Variants in NPAS2 observed in about 807,000 individuals in gnomAD.
NPAS2 encodes the protein neuronal PAS domain-containing protein 2.
NPAS2 carries 23 observed loss-of-function variants against 107.5 expected under a neutral mutation model. The ratio of observed to expected loss-of-function variants is 0.21; its 90% CI spans 0.15 to 0.30. The LOEUF (loss-of-function observed/expected upper bound fraction) is 0.30, where lower values mean the gene tolerates loss of function less well. Among genes scored for constraint, NPAS2 ranks in the 10% least tolerant of loss-of-function variants. The pLI is 1.00. For synonymous variants in NPAS2, 403 were observed against 417.5 expected, an observed-to-expected ratio of 0.97 and a Z score of 0.42; for missense variants, 756 against 1,043.3, an observed-to-expected ratio of 0.72 and a Z score of 3.79.
intron 1 of NPAS2, among the ~76,000 whole-genome samples, chr2:100,897,848 T>A (rs57077389): frequency 0.031 from 4,668 of 152,288 alleles, 147 homozygotes; most frequent in African/African-American, 0.074. Flanking sequence ...TCACAGTGGG[T>A]TCCCCCTTGC....
intron 1 of NPAS2, among the ~76,000 whole-genome samples, chr2:100,854,939 C>G (rs929405939): frequency 6.6e-6 from 1 of 152,142 alleles, no homozygotes; most frequent in Non-Finnish European, 1.5e-5. Context: ...AAAGTGCATA[C>G]TGGATTTAAA....
chr2:100,864,280 GT>G (rs1679117748), intron 1 of NPAS2, among the ~76,000 whole-genome samples: 1 of 152,192 alleles, frequency 6.6e-6, no homozygotes, highest in Non-Finnish European at 1.5e-5. Flanking sequence ...TATTGTTTTA[GT>G]TGTTTACCAA....
chr2:100,944,193 T>A (rs2105017838), intron 5 of NPAS2, among the ~76,000 whole-genome samples: 1 of 152,282 alleles, frequency 6.6e-6, no homozygotes, highest in African/African-American at 2.4e-5. Context: ...TCTTAAGCCG[T>A]TCTTTTCTCA....
intron 2 of NPAS2, among the ~76,000 whole-genome samples, chr2:100,911,517 C>T (rs1480534481): frequency 6.6e-6 from 1 of 152,172 alleles, no homozygotes; most frequent in Non-Finnish European, 1.5e-5. Flanking sequence ...CTCCGCTTCC[C>T]AGGTTCAAGC....
chr2:100,842,081 G>GTGCGCGCGCGCACACACACACACACA (rs1553441796), intron 1 of NPAS2, among the ~76,000 whole-genome samples: 2 of 148,798 alleles, frequency 1.3e-5, no homozygotes, highest in African/African-American at 4.9e-5. Flanking sequence ...GCATGTACGC[G>GTGCGCGCGCGCACACACACACACACA]CACACACACA....
At chr2:100,845,067 C>T (rs1677688931) in intron 1 of NPAS2, among the ~76,000 whole-genome samples, 1 of 152,240 alleles carries the variant, frequency 6.6e-6, no homozygotes, top group East Asian at 1.9e-4. Flanking sequence ...CAAGCATGCC[C>T]TGATTGGAGG....
At chr2:100,977,939 G>A (rs1677131720) in intron 15 of NPAS2, 140 bp downstream of exon 15, 4 of 696,874 alleles carry the variant, frequency 5.7e-6, no homozygotes, top group Non-Finnish European at 9.9e-6. Flanking sequence ...TGTGGCCTGT[G>A]TCGAGCCATG....
rs116740843 is a variant in NPAS2 at position 100,835,675 on chromosome 2, C to T, written c.-23+15261C>T. 3.0e-3 allele frequency among the ~76,000 whole-genome samples: 451 copies of T among 152,290 alleles called. 4 individuals are homozygous for T. The highest frequency in any genetic ancestry group is 0.01 in the African/African-American group (427 of 41,568). ...TCTCTCCTCATTTTGGAGTCAGGTACATCTTTCTTCAGCTGAGCTTAACCT... is the reference window on the plus strand; with the variant it reads ...TCTCTCCTCATTTTGGAGTCAGGTATATCTTTCTTCAGCTGAGCTTAACCT... On this transcript the variant is annotated intron_variant, in intron 1 of 20. Coordinates refer to ENST00000335681, the MANE Select transcript of NPAS2 (RefSeq NM_002518.4).
chr2:100,965,014 T>C lies in NPAS2; in HGVS notation c.800+71T>C. ...TTGTTTGCGTGAGCCAGGCTCTCCT[T>C]GGGAGAGAAGAGTCGGCCCTGGTCC... is the stretch of plus-strand genomic sequence containing the variant. On this transcript the variant is annotated intron_variant, in intron 9 of 20. Transcript: ENST00000335681. The surrounding 1 kb of genome is among the most constrained non-coding windows in gnomAD (Gnocchi z 4.3). 2 of 1,038,682 alleles carry C rather than the reference T, an allele frequency of 1.9e-6. No individual in the cohort carries two copies. The highest frequency in any genetic ancestry group is 1.5e-5 in the South Asian group (1 of 65,470). The allele number at this position is 1,038,682 out of a possible 1,614,324, so 64.3% of individuals were successfully genotyped here. A position where few individuals can be genotyped will look rare whatever the true frequency, so the allele number is the denominator to read the frequency against.
At chr2:100,953,843 G>C (rs542118246) in intron 7 of NPAS2, among the ~76,000 whole-genome samples, 1 of 152,306 alleles carries the variant, frequency 6.6e-6, no homozygotes, top group South Asian at 2.1e-4. Flanking sequence ...TGCCTACAAT[G>C]CCTGTGCATG....
chr2:100,897,664 C>G (rs959586276), intron 1 of NPAS2, among the ~76,000 whole-genome samples: 4 of 152,298 alleles, frequency 2.6e-5, no homozygotes, highest in Admixed American at 6.5e-5. Flanking sequence ...CCTAAAACAT[C>G]AGAACAAGAC....
At chr2:100,993,074 T>A (rs955125135) in intron 19 of NPAS2, among the ~76,000 whole-genome samples, 3 of 151,806 alleles carry the variant, frequency 2.0e-5, no homozygotes, top group Non-Finnish European at 2.9e-5. Flanking sequence ...GGACTACAGG[T>A]GCCCAACATG....
At chr2:100,852,222 C>G (rs1035378453) in intron 1 of NPAS2, among the ~76,000 whole-genome samples, 1 of 151,834 alleles carries the variant, frequency 6.6e-6, no homozygotes, top group African/African-American at 2.4e-5. Flanking sequence ...CGGTGAAACC[C>G]CGTCTCTCCT....
intron 1 of NPAS2, among the ~76,000 whole-genome samples, chr2:100,884,540 T>C (rs1301183016): frequency 6.6e-6 from 1 of 152,182 alleles, no homozygotes; most frequent in Non-Finnish European, 1.5e-5. Context: ...ACATACATGC[T>C]CTCGCACACA....
intron 1 of NPAS2, among the ~76,000 whole-genome samples, chr2:100,893,942 T>C (rs1267192259): frequency 6.6e-6 from 1 of 152,192 alleles, no homozygotes; most frequent in African/African-American, 2.4e-5. Flanking sequence ...TTTCCGTGCG[T>C]GCTGCATGAG....
chr2:100,937,535 C>A (rs1015902806), intron 4 of NPAS2, among the ~76,000 whole-genome samples: 1 of 152,152 alleles, frequency 6.6e-6, no homozygotes, highest in South Asian at 2.1e-4. Flanking sequence ...TTTCACTGAT[C>A]CTGTAGTGCT....
In NPAS2 at chr2:100,964,295, G is replaced by A. The variant is rs116605100; in HGVS notation, c.717+119G>A. On this transcript the variant is annotated intron_variant, in intron 8 of 20. Transcript: ENST00000335681. Reference sequence around the variant, plus strand: ...TTGCAGTGAAGTTGTCACTGGCTTTGAAAATCGAAGTGTCTGGCTTCTGTG... The same window carrying A: ...TTGCAGTGAAGTTGTCACTGGCTTTAAAAATCGAAGTGTCTGGCTTCTGTG... 1,909 of 757,640 alleles carry A rather than the reference G, an allele frequency of 2.5e-3. 27 individuals carry two copies. The highest frequency in any genetic ancestry group is 0.025 in the African/African-American group (1,472 of 58,460). The allele number at this position is 757,640 out of a possible 1,614,324, so 46.9% of individuals were successfully genotyped here.
intron 5 of NPAS2, among the ~76,000 whole-genome samples, chr2:100,940,803 A>T (rs1674527500): frequency 6.6e-6 from 1 of 152,196 alleles, no homozygotes; most frequent in East Asian, 1.9e-4. Flanking sequence ...AGAATCCTAT[A>T]CGGGACACAG....
chr2:100,839,172 A>G (rs1333675859), intron 1 of NPAS2, among the ~76,000 whole-genome samples: 3 of 152,178 alleles, frequency 2.0e-5, no homozygotes, highest in Non-Finnish European at 2.9e-5. Context: ...TCTGTTGCCC[A>G]GGCTGGAGTG....
Sources: allele counts gnomAD v4.1 joint callset (sites outside exome capture counted in the v4.1 genomes callset), GRCh38; gene constraint gnomAD v4.1.1; non-coding constraint Gnocchi (gnomAD v3.1); transcripts MANE v1.5; gene names NCBI Gene and HGNC (gene_info 2026-07-23, HGNC 2026-07-21).